PCDH9: variants seen among roughly 807,000 people sequenced by gnomAD.
PCDH9 encodes protocadherin 9, also known as protocadherin-9.
In PCDH9, 24 loss-of-function variants were observed where a neutral mutation model predicts 70.6. That is an observed-to-expected ratio of 0.34 (90% confidence interval 0.25 to 0.48). The LOEUF is 0.48. Among genes scored for constraint, PCDH9 ranks in the 20% least tolerant of loss-of-function variants. The probability of loss-of-function intolerance (pLI) is 0.99; values close to 1 mark genes in which losing one functional copy is unlikely to be tolerated. For synonymous variants in PCDH9, 562 were observed against 558.5 expected (o/e 1.01, Z -0.09); for missense variants, 1,281 against 1,503.6 (o/e 0.85, Z 2.45).
intron 2 of PCDH9, among the ~76,000 whole-genome samples, chr13:67,098,195 G>A (rs1264391475): frequency 6.6e-6 from 1 of 152,082 alleles, no homozygotes; most frequent in Non-Finnish European, 1.5e-5. Context: ...AAATCAAATA[G>A]TGTGACAAAA....
intron 2 of PCDH9, among the ~76,000 whole-genome samples, chr13:66,912,392 T>C (rs946062040): frequency 6.6e-6 from 1 of 152,260 alleles, no homozygotes; most frequent in East Asian, 1.9e-4. Flanking sequence ...GCATGTTCCA[T>C]TAACTGCATA....
intron 3 of PCDH9, among the ~76,000 whole-genome samples, chr13:66,702,946 A>C (rs1202647800): frequency 6.6e-6 from 1 of 152,200 alleles, no homozygotes; most frequent in Non-Finnish European, 1.5e-5. Context: ...ATCAGTTTTG[A>C]AACACAAAAT....
chr13:67,100,638 T>G (rs1463001590), intron 2 of PCDH9, among the ~76,000 whole-genome samples: 1 of 152,206 alleles, frequency 6.6e-6, no homozygotes, highest in African/African-American at 2.4e-5. Flanking sequence ...TACCAAAAAT[T>G]ATTCCAAAAA....
At chr13:67,146,071 CTGAA>C (rs1033872259) in intron 2 of PCDH9, among the ~76,000 whole-genome samples, 7 of 152,018 alleles carry the variant, frequency 4.6e-5, no homozygotes, top group African/African-American at 1.7e-4. Flanking sequence ...ACTCTTTTTG[CTGAA>C]TGTTTTAGGC....
At chr13:66,460,636 T>C (rs1257178666) in intron 4 of PCDH9, among the ~76,000 whole-genome samples, 4 of 151,902 alleles carry the variant, frequency 2.6e-5, no homozygotes. Context: ...ATTTAAAGCG[T>C]CTTCCTGTTT....
chr13:66,891,434 C>G (rs1458205012), intron 3 of PCDH9, among the ~76,000 whole-genome samples: 1 of 151,906 alleles, frequency 6.6e-6, no homozygotes, highest in Non-Finnish European at 1.5e-5. Flanking sequence ...TATTAAACAT[C>G]CTGTGAAATT....
intron 2 of PCDH9, among the ~76,000 whole-genome samples, chr13:67,132,050 C>T (rs148693705): frequency 2.8e-4 from 42 of 152,214 alleles, no homozygotes; most frequent in African/African-American, 9.1e-4. Context: ...AAATGGTTTC[C>T]ATTCAGGAGA....
Position 66,366,679 on chromosome 13 carries a change from A to T in PCDH9, c.3341-61651T>A, listed in dbSNP as rs369844120. On this transcript the variant is annotated intron_variant, in intron 4 of 4. Coordinates refer to ENST00000377865, the MANE Select transcript of PCDH9 (RefSeq NM_203487.3). ...GGTGTTAAACTTCTAATAATTTCTC[A>T]GAGAGCATTTCGTAGTTCTTATGGT... Among the ~76,000 whole-genome samples, 12 of 152,090 alleles carry T rather than the reference A, an allele frequency of 7.9e-5. No individual in the cohort carries two copies. In the East Asian group the frequency reaches 2.1e-3, roughly 27 times the overall value.
chr13:66,585,500 AT>A (rs958082568), intron 4 of PCDH9, among the ~76,000 whole-genome samples: 12 of 152,208 alleles, frequency 7.9e-5, no homozygotes, highest in African/African-American at 1.9e-4. Flanking sequence ...TTATCAATCT[AT>A]TTTTTTAAAG....
intron 4 of PCDH9, among the ~76,000 whole-genome samples, chr13:66,541,051 AT>A (rs1471065838): frequency 6.6e-6 from 1 of 152,194 alleles, no homozygotes; most frequent in Non-Finnish European, 1.5e-5. Context: ...ATTTAGTAGA[AT>A]TCAATTCAAG....
chr13:66,353,645 T>C (rs906576526), intron 4 of PCDH9, among the ~76,000 whole-genome samples: 1 of 152,176 alleles, frequency 6.6e-6, no homozygotes, highest in Non-Finnish European at 1.5e-5. Context: ...CCTTTTAAAA[T>C]TTTTGTCTCT....
intron 4 of PCDH9, among the ~76,000 whole-genome samples, chr13:66,312,610 C>CAAAAA (rs11352387): frequency 5.8e-5 from 8 of 137,506 alleles, no homozygotes; most frequent in African/African-American, 1.9e-4. Flanking sequence ...GATCCTGCCT[C>CAAAAA]AAAAAAAAAA....
intron 4 of PCDH9, among the ~76,000 whole-genome samples, chr13:66,611,848 TG>T (rs2077297067): frequency 6.6e-6 from 1 of 152,208 alleles, no homozygotes; most frequent in Admixed American, 6.5e-5. Context: ...CTATTCTAAG[TG>T]GGTTACATGT....
At chr13:66,887,658 C>T (rs2082030057) in intron 3 of PCDH9, among the ~76,000 whole-genome samples, 1 of 152,166 alleles carries the variant, frequency 6.6e-6, no homozygotes, top group African/African-American at 2.4e-5. Flanking sequence ...TACTAATATA[C>T]ATTCAGAAGT....
At position 67,129,590 on chromosome 13, in the gene PCDH9, C is replaced by A. The variant is rs2087059792; in HGVS notation, c.3036+95815G>T. Among the ~76,000 whole-genome samples the A allele has an allele frequency of 2.0e-5, 3 of 151,590 alleles. 1 individual carries two copies. The South Asian group carries it at 6.2e-4, about 32-fold the overall frequency. On this transcript the variant is annotated intron_variant, in intron 2 of 4. Coordinates refer to ENST00000377865, the MANE Select transcript of PCDH9 (RefSeq NM_203487.3). ...CTAGCAAGGTTCTCTGCTAAGGGCA[C>A]AATCATATACTCTTCTCTAGAATCA...
rs78694898 is a variant in PCDH9 at position 66,362,404 on chromosome 13, A to G, written c.3341-57376T>C. On this transcript the variant is annotated intron_variant, in intron 4 of 4. Coordinates refer to ENST00000377865, the MANE Select transcript of PCDH9 (RefSeq NM_203487.3). ...TTTCAGGCTATTCCATCAGGGGGCT[A>G]TTCTCAAAGTCATTTTTATGGGAAG... Among the ~76,000 whole-genome samples, 637 of 152,296 alleles carry G rather than the reference A, an allele frequency of 4.2e-3. 3 individuals carry two copies. The highest frequency in any genetic ancestry group is 0.015 in the African/African-American group (605 of 41,570).
At chr13:66,944,062 T>C (rs2083049014) in intron 2 of PCDH9, among the ~76,000 whole-genome samples, 1 of 152,080 alleles carries the variant, frequency 6.6e-6, no homozygotes, top group Non-Finnish European at 1.5e-5. Flanking sequence ...GATTAGTAAA[T>C]AACTTTGAGA....
intron 2 of PCDH9, among the ~76,000 whole-genome samples, chr13:67,195,275 G>T (rs2089030619): frequency 6.6e-6 from 1 of 151,926 alleles, no homozygotes; most frequent in African/African-American, 2.4e-5. Context: ...CCTCCGAGCA[G>T]CTGGGACTAC....
intron 4 of PCDH9, among the ~76,000 whole-genome samples, chr13:66,377,235 A>T (rs1956765492): frequency 6.6e-6 from 1 of 152,162 alleles, no homozygotes; most frequent in Non-Finnish European, 1.5e-5. Flanking sequence ...TACATTGAAC[A>T]TATTTGAGGC....
Sources: gnomAD v4.1 joint callset for allele counts (sites outside exome capture counted in the v4.1 genomes callset) on GRCh38, gnomAD v4.1.1 for gene constraint, MANE v1.5 for transcripts, NCBI Gene and HGNC (gene_info 2026-07-23, HGNC 2026-07-21) for gene names.